CLNK: variants seen among roughly 807,000 people sequenced by gnomAD.
CLNK encodes the protein cytokine-dependent hematopoietic cell linker.
Under a neutral mutation model 68.6 loss-of-function variants are expected in CLNK, and 74 were observed. The ratio of observed to expected loss-of-function variants is 1.08; its 90% CI spans 0.89 to 1.31. The LOEUF is 1.31. Ranked by LOEUF, CLNK falls within the 50% of genes most tolerant of loss-of-function variation. CLNK has a pLI of 0.00. For synonymous variants in CLNK, 198 were observed against 172.2 expected (o/e 1.15, Z -1.17); for missense variants, 553 against 515.3 (o/e 1.07, Z -0.71).
chr4:10,531,545 T>A (rs1283267787), intron 12 of CLNK: 1 of 296,640 alleles, frequency 3.4e-6, no homozygotes, highest in Non-Finnish European at 6.7e-6. Flanking sequence ...CAAGCGATTC[T>A]CCTTCCTCAG....
the CLNK span, among the ~76,000 whole-genome samples, chr4:10,699,218 A>C: frequency 1.0e-5 from 1 of 96,622 alleles, no homozygotes; most frequent in African/African-American, 3.9e-5. Context: ...CATACACACC[A>C]CATATGTGTG....
At chr4:10,587,369 C>T (rs938562957) in intron 3 of CLNK, among the ~76,000 whole-genome samples, 5 of 152,134 alleles carry the variant, frequency 3.3e-5, no homozygotes, top group African/African-American at 1.2e-4. Flanking sequence ...TGAAAAGCCC[C>T]GAGGCAGTGG....
At chr4:10,642,938 T>C (rs1186111474) in intron 2 of CLNK, among the ~76,000 whole-genome samples, 1 of 152,222 alleles carries the variant, frequency 6.6e-6, no homozygotes, top group Non-Finnish European at 1.5e-5. Flanking sequence ...AGTTGGTATT[T>C]GGTAAATCTG....
At chr4:10,679,175 C>T (rs61989093) in intron 1 of CLNK, among the ~76,000 whole-genome samples, 2,055 of 152,186 alleles carry the variant, frequency 0.014, 40 homozygotes, top group African/African-American at 0.045. Context: ...GAGATATAGA[C>T]CAATGGAACA....
chr4:10,524,708 T>C (rs1486291149), intron 14 of CLNK, among the ~76,000 whole-genome samples: 2 of 152,144 alleles, frequency 1.3e-5, no homozygotes, highest in Non-Finnish European at 2.9e-5. Flanking sequence ...ATGTTTTTCA[T>C]CTGAAGAATG....
chr4:10,689,813 T>A, the CLNK span, among the ~76,000 whole-genome samples: 2 of 144,484 alleles, frequency 1.4e-5, no homozygotes, highest in Non-Finnish European at 3.0e-5. Context: ...CATCTCTGAT[T>A]TATTACAGTT....
At chr4:10,532,153 G>T in intron 12 of CLNK, 103 bp downstream of exon 12, 1 of 840,836 alleles carries the variant, frequency 1.2e-6, no homozygotes, top group South Asian at 1.4e-5. Flanking sequence ...GCTATTGTGA[G>T]AACTAAGTGT....
intron 1 of CLNK, among the ~76,000 whole-genome samples, chr4:10,684,396 G>A (rs950354958): frequency 1.3e-5 from 2 of 152,148 alleles, no homozygotes; most frequent in Non-Finnish European, 2.9e-5. Context: ...AACAGTCGGG[G>A]AGTCCAAGCT....
At chr4:10,554,757 A>G (rs1719596177) in intron 8 of CLNK, among the ~76,000 whole-genome samples, 1 of 152,236 alleles carries the variant, frequency 6.6e-6, no homozygotes, top group Non-Finnish European at 1.5e-5. Context: ...TGCAAAGGAT[A>G]GAAGATAACC....
chr4:10,590,255 T>A (rs1291045718), intron 3 of CLNK, among the ~76,000 whole-genome samples: 1 of 152,240 alleles, frequency 6.6e-6, no homozygotes, highest in Non-Finnish European at 1.5e-5. Context: ...AATCTTTAAT[T>A]TTTAAAGGCT....
At chr4:10,687,160 C>T (rs909615618), upstream of CLNK, among the ~76,000 whole-genome samples, 4 of 151,650 alleles carry the variant, frequency 2.6e-5, no homozygotes, top group Non-Finnish European at 5.9e-5. Flanking sequence ...ACATCCTCTA[C>T]CTACTACTAT....
At chr4:10,567,333 G>T (rs1340661997) in intron 5 of CLNK, among the ~76,000 whole-genome samples, 1 of 152,078 alleles carries the variant, frequency 6.6e-6, no homozygotes, top group Non-Finnish European at 1.5e-5. Flanking sequence ...CAATACAATG[G>T]GTGGAAAGAA....
chr4:10,564,851 C>T lies in CLNK; in HGVS notation c.293-74G>A. On this transcript the variant is annotated intron_variant, in intron 6 of 18. Coordinates refer to ENST00000226951, the MANE Select transcript of CLNK (RefSeq NM_052964.4). ...CATTACAATTTACAAAGTATTTGCA[C>T]ATCTACAAACTCATTGGATCATTAC... The T allele has an allele frequency of 4.5e-6, 4 of 881,662 alleles. No individual in the cohort carries two copies. In the South Asian group the frequency reaches 5.6e-5, roughly 12 times the overall value. The allele number at this position is 881,662 out of a possible 1,614,324, so 54.6% of individuals were successfully genotyped here. A position where few individuals can be genotyped will look rare whatever the true frequency, so the allele number is the denominator to read the frequency against.
the CLNK span, among the ~76,000 whole-genome samples, chr4:10,709,743 C>T: frequency 8.5e-5 from 13 of 152,280 alleles, no homozygotes; most frequent in Admixed American, 8.5e-4. Flanking sequence ...TCTTAGCTCA[C>T]TTAGAACCCT....
rs1719754676 is a variant in CLNK, at chr4:10,558,318, A to G, written c.445+89T>C. 7 of 1,090,906 alleles carry G rather than the reference A, an allele frequency of 6.4e-6. No individual in the cohort carries two copies. In the East Asian group the frequency reaches 1.4e-4, roughly 22 times the overall value. 67.6% of individuals were successfully genotyped at this position (1,090,906 alleles called of 1,614,324 possible). A position where few individuals can be genotyped will look rare whatever the true frequency, so the allele number is the denominator to read the frequency against. On this transcript the variant is annotated intron_variant, in intron 8 of 18. Transcript: ENST00000226951. ...TAGATCACCTTGTGTAAGATCACCC[A>G]TGACCACAAACAGTAATGCGAGAGG...
intron 18 of CLNK, among the ~76,000 whole-genome samples, chr4:10,490,985 G>A (rs892418994): frequency 9.9e-5 from 15 of 152,086 alleles, no homozygotes; most frequent in African/African-American, 3.4e-4. Flanking sequence ...GACTGGTCTC[G>A]AACTCCTGAC....
chr4:10,598,540 G>A (rs773936582), intron 2 of CLNK: 18 of 260,204 alleles, frequency 6.9e-5, no homozygotes, highest in African/African-American at 1.4e-4. Flanking sequence ...ATTATCCAAC[G>A]TGGGAAGACA....
At chr4:10,592,446 A>G (rs1457955895) in intron 3 of CLNK, among the ~76,000 whole-genome samples, 1 of 151,962 alleles carries the variant, frequency 6.6e-6, no homozygotes, top group Non-Finnish European at 1.5e-5. Flanking sequence ...CCACTCTCTG[A>G]GCCTCCCCCA....
chr4:10,505,702 G>A (rs1344607291), intron 17 of CLNK, among the ~76,000 whole-genome samples: 1 of 152,104 alleles, frequency 6.6e-6, no homozygotes, highest in Non-Finnish European at 1.5e-5. Flanking sequence ...TGACACTCCT[G>A]GTTCCCTCTT....
Sources: allele counts gnomAD v4.1 joint callset (sites outside exome capture counted in the v4.1 genomes callset), GRCh38; gene constraint gnomAD v4.1.1; transcripts MANE v1.5; gene names NCBI Gene and HGNC (gene_info 2026-07-23, HGNC 2026-07-21).